HDAC9: variants seen among roughly 807,000 people sequenced by gnomAD.
HDAC9 encodes the protein MEF-2 interacting transcription repressor (MITR) protein.
Under a neutral mutation model 139.4 loss-of-function variants are expected in HDAC9, and 41 were observed. The ratio of observed to expected loss-of-function variants is 0.29; its 90% CI spans 0.23 to 0.38. HDAC9 has a LOEUF of 0.38. Among genes scored for constraint, HDAC9 ranks in the 10% least tolerant of loss-of-function variants. The probability of loss-of-function intolerance (pLI) is 1.00; values close to 1 mark genes in which losing one functional copy is unlikely to be tolerated. For missense variants in HDAC9, 1,147 were observed against 1,297.0 expected (o/e 0.88, Z 1.78); for synonymous variants, 517 against 476.2 (o/e 1.09, Z -1.12).
intron 1 of HDAC9, among the ~76,000 whole-genome samples, chr7:18,324,850 T>C (rs1446045612): frequency 6.6e-6 from 1 of 152,160 alleles, no homozygotes; most frequent in Non-Finnish European, 1.5e-5. Context: ...ATGTGATAAA[T>C]GACATGAGAC....
intron 1 of HDAC9, among the ~76,000 whole-genome samples, chr7:18,431,700 A>G (rs369583694): frequency 3.9e-5 from 6 of 152,236 alleles, no homozygotes; most frequent in Non-Finnish European, 7.3e-5. Flanking sequence ...AGATAAATAC[A>G]TACTGGATTG....
At chr7:18,206,930 C>CTTTTTTTTTTTTTT (rs58248823) in intron 2 of HDAC9, among the ~76,000 whole-genome samples, 4 of 124,548 alleles carry the variant, frequency 3.2e-5, no homozygotes, top group Non-Finnish European at 3.4e-5. Context: ...GATATCTTTT[C>CTTTTTTTTTTTTTT]TTTTTTTTTT....
chr7:18,935,695 G>A (rs963585534), intron 22 of HDAC9, 114 bp from the exon 23 acceptor site: 23 of 892,216 alleles, frequency 2.6e-5, no homozygotes, highest in Non-Finnish European at 3.9e-5. Context: ...GGATGAGTTA[G>A]CACACAGAAA....
At chr7:18,909,867 T>A (rs973137920) in intron 22 of HDAC9, among the ~76,000 whole-genome samples, 3 of 152,064 alleles carry the variant, frequency 2.0e-5, no homozygotes, top group Non-Finnish European at 4.4e-5. Flanking sequence ...AGGCTTGTAG[T>A]ATATTTTGAG....
chr7:18,858,719 C>CT (rs1322863046), intron 21 of HDAC9, among the ~76,000 whole-genome samples: 3 of 152,182 alleles, frequency 2.0e-5, no homozygotes, highest in Non-Finnish European at 2.9e-5. Context: ...TAAAACTACT[C>CT]TATCATGTCA....
intron 22 of HDAC9, among the ~76,000 whole-genome samples, chr7:18,885,101 T>A (rs1018875995): frequency 2.6e-5 from 4 of 152,202 alleles, no homozygotes; most frequent in Admixed American, 2.6e-4. Context: ...AAGATGACTT[T>A]CTGCTCGAAA....
At chr7:18,440,335 C>T (rs1336351451) in intron 1 of HDAC9, among the ~76,000 whole-genome samples, 2 of 152,040 alleles carry the variant, frequency 1.3e-5, no homozygotes, top group Non-Finnish European at 2.9e-5. Flanking sequence ...CAGGCATGCG[C>T]CACCATGCCT....
At chr7:18,985,064 C>A (rs1044381874) in intron 25 of HDAC9, among the ~76,000 whole-genome samples, 1 of 151,164 alleles carries the variant, frequency 6.6e-6, no homozygotes, top group Non-Finnish European at 1.5e-5. Context: ...TTTTTTAATT[C>A]TTTTTCTATT....
At chr7:18,883,748 GTC>G (rs1331932457) in intron 22 of HDAC9, among the ~76,000 whole-genome samples, 9 of 151,988 alleles carry the variant, frequency 5.9e-5, no homozygotes, top group African/African-American at 1.7e-4. Flanking sequence ...AAGTTAAACT[GTC>G]TCTGTTTCCA....
chr7:18,318,266 A>G (rs1170500685), intron 1 of HDAC9, among the ~76,000 whole-genome samples: 1 of 152,198 alleles, frequency 6.6e-6, no homozygotes, highest in African/African-American at 2.4e-5. Context: ...TAATAGAAAG[A>G]TTAAATTTTG....
rs115515436 is a variant in HDAC9, at chr7:18,265,917, A to G, written c.25+103568A>G. Among the ~76,000 whole-genome samples the G allele has an allele frequency of 6.7e-3, 1,013 of 152,308 alleles. 10 individuals are homozygous for G. Among genetic ancestry groups the G allele is most frequent in the African/African-American group, 0.023 (954 of 41,574 alleles). On this transcript the variant is annotated intron_variant, in intron 2 of 12. Coordinates refer to the HDAC9 transcript ENST00000417496. ...ATCTTTGCAGACAATTATGGAGATT[A>G]TTCTATAATACCACACCGAAACTTC...
At chr7:18,152,863 A>G (rs1388354107) in intron 1 of HDAC9, among the ~76,000 whole-genome samples, 1 of 152,226 alleles carries the variant, frequency 6.6e-6, no homozygotes, top group Non-Finnish European at 1.5e-5. Flanking sequence ...TCAAAGAACA[A>G]TATCTGATAT....
chr7:18,827,999 A>G (rs1480938147), intron 17 of HDAC9, among the ~76,000 whole-genome samples: 2 of 152,130 alleles, frequency 1.3e-5, no homozygotes, highest in East Asian at 3.9e-4. Context: ...CACCATTACT[A>G]GATTTCTAAT....
intron 2 of HDAC9, among the ~76,000 whole-genome samples, chr7:18,168,928 C>T (rs1309967927): frequency 1.1e-4 from 11 of 101,020 alleles, no homozygotes; most frequent in South Asian, 3.4e-4. Flanking sequence ...TGTGTGTGTG[C>T]GCGCATGTGT....
chr7:18,454,860 C>T (rs1793202606), intron 1 of HDAC9, among the ~76,000 whole-genome samples: 1 of 151,872 alleles, frequency 6.6e-6, no homozygotes, highest in Admixed American at 6.6e-5. Context: ...AGGAAAACAT[C>T]ATAAGTTAAT....
intron 16 of HDAC9, among the ~76,000 whole-genome samples, chr7:18,777,393 A>G (rs1790866085): frequency 1.3e-5 from 2 of 151,918 alleles, no homozygotes; most frequent in African/African-American, 4.8e-5. Context: ...ACATTGTCAC[A>G]TTATGGCCTC....
At chr7:18,370,704 G>C (rs914289573) in intron 1 of HDAC9, among the ~76,000 whole-genome samples, 1 of 152,236 alleles carries the variant, frequency 6.6e-6, no homozygotes, top group East Asian at 1.9e-4. Flanking sequence ...GATTCTGTTT[G>C]ATGCATTTTG....
At chr7:18,772,208 G>T (rs1269794802) in intron 16 of HDAC9, among the ~76,000 whole-genome samples, 3 of 152,226 alleles carry the variant, frequency 2.0e-5, no homozygotes, top group East Asian at 3.9e-4. Flanking sequence ...TGTGTTGGGG[G>T]TGGTATGAGG....
At chr7:18,337,911 A>G (rs1415670291) in intron 1 of HDAC9, among the ~76,000 whole-genome samples, 2 of 151,786 alleles carry the variant, frequency 1.3e-5, no homozygotes, top group Non-Finnish European at 2.9e-5. Context: ...CAGTTTTCTC[A>G]TCTGTAAAAT....
Sources: allele counts gnomAD v4.1 joint callset (sites outside exome capture counted in the v4.1 genomes callset), GRCh38; gene constraint gnomAD v4.1.1; transcripts MANE v1.5; gene names NCBI Gene and HGNC (gene_info 2026-07-23, HGNC 2026-07-21).